Variants in POLR1B observed in about 807,000 individuals in gnomAD.
POLR1B encodes the protein DNA-directed RNA polymerase I subunit RPA2.
Under a neutral mutation model 105.8 loss-of-function variants are expected in POLR1B, and 30 were observed. That is an observed-to-expected ratio of 0.28 (90% CI 0.21 to 0.38). The LOEUF (loss-of-function observed/expected upper bound fraction) is 0.38. POLR1B is among the 10% of genes least tolerant of loss of function. The pLI is 1.00. For synonymous variants in POLR1B, 485 were observed against 505.1 expected, an observed-to-expected ratio of 0.96 and a Z score of 0.53; for missense variants, 976 against 1,435.8, an observed-to-expected ratio of 0.68 and a Z score of 5.17.
In POLR1B at chr2:112,559,543, G is replaced by C; in HGVS notation, c.1581G>C (p.Thr527=). Residue 527 remains threonine (T), a synonymous_variant, in exon 9 of 15, where the codon ACG becomes ACC. Coordinates refer to ENST00000263331, the MANE Select transcript of POLR1B (RefSeq NM_019014.6). ...VCEVVTQFVY[T]ASIPALLCNL... is the part of the protein sequence containing the mutation. ...AGGTTGTCACACAGTTTGTGTATAC[G>C]GCATCTATTCCAGCTTTACTGTGCA... 1 of 1,614,148 alleles carries C rather than the reference G, an allele frequency of 6.2e-7. No individual in the cohort carries two copies. The highest frequency in any genetic ancestry group is 1.1e-5 in the South Asian group (1 of 91,078).
intron 11 of POLR1B, 78 bp downstream of exon 11, chr2:112,568,215 T>C (rs923126099): frequency 2.2e-6 from 3 of 1,385,178 alleles, no homozygotes; most frequent in African/African-American, 1.5e-5. Context: ...AACTCTTCCT[T>C]TTTTAAAAGG....
chr2:112,564,653 A>G (rs1407487188), intron 10 of POLR1B, among the ~76,000 whole-genome samples, 154 bp downstream of exon 10: 1 of 152,244 alleles, frequency 6.6e-6, no homozygotes, highest in Non-Finnish European at 1.5e-5. Flanking sequence ...CTGGTGACAG[A>G]GGCTTGCCTT....
chr2:112,548,713 A>C (rs965109707), intron 3 of POLR1B, among the ~76,000 whole-genome samples: 2 of 152,040 alleles, frequency 1.3e-5, no homozygotes, highest in African/African-American at 2.4e-5. Context: ...CCTGGGTTCA[A>C]GCCATTCTCC....
At position 112,575,767 on chromosome 2, in the gene POLR1B, T is replaced by C. The variant is rs1277444037; in HGVS notation, c.*38T>C. 1 of 1,555,614 alleles carries C rather than the reference T, an allele frequency of 6.4e-7. No individual in the cohort carries two copies. Among genetic ancestry groups the C allele is most frequent in the Non-Finnish European group, 8.7e-7 (1 of 1,150,872 alleles). ...CTTTTGGATTAAGAGGACTATCAGA[T>C]TAAAGCAAAATGTAATTTTAATTCA... On this transcript the variant is annotated 3_prime_UTR_variant, in exon 15 of 15. Transcript: ENST00000263331. The surrounding 1 kb of genome is among the most constrained non-coding windows in gnomAD (Gnocchi z 5.3).
At position 112,551,812 on chromosome 2, in the gene POLR1B, A is replaced by T; in HGVS notation, c.800A>T (p.Glu267Val). Residue 267 changes from glutamate (E) to valine (V), a missense_variant, in exon 6 of 15, where the codon GAG becomes GTG. Glu to Val is a moderately radical substitution (Grantham distance 121). Around this residue, in one of 12 missense-constraint regions of POLR1B, gnomAD observed 452 missense variants for 616.5 expected, o/e 0.73. Transcript: ENST00000263331. ...VSFSDYQIFQ[E>V]LIKGKEDDSF... ...TTTTCTGATTATCAGATCTTTCAGG[A>T]GCTCATCAAAGGAAAAGAGGATGAT... is the stretch of plus-strand genomic sequence containing the variant. The T allele has an allele frequency of 6.2e-7, 1 of 1,614,116 alleles. No homozygotes were observed.
Position 112,557,908 on chromosome 2 carries a change from A to G in POLR1B, c.1159-2A>G. ...TATATTAATTTTTTTTCCTTATTTC[A>G]GGAAAAACTGGAAGGTTGGTTAGTG... On this transcript the variant is annotated splice_acceptor_variant, in intron 7 of 14. Transcript: ENST00000263331. LOFTEE classifies it high-confidence loss of function. 2 of 1,290,294 alleles carry G rather than the reference A, an allele frequency of 1.6e-6. No individual in the cohort carries two copies. The highest frequency in any genetic ancestry group is 3.5e-5 in the Admixed American group (1 of 28,662). The allele number at this position is 1,290,294 out of a possible 1,614,324, so 79.9% of individuals were successfully genotyped here.
chr2:112,566,891 C>G (rs1166142112), intron 10 of POLR1B, among the ~76,000 whole-genome samples: 1 of 152,118 alleles, frequency 6.6e-6, no homozygotes, highest in Non-Finnish European at 1.5e-5. Context: ...CACCACCATG[C>G]CTGGGTAATT....
At chr2:112,554,105 G>A (rs1683520847) in intron 7 of POLR1B, among the ~76,000 whole-genome samples, 1 of 151,938 alleles carries the variant, frequency 6.6e-6, no homozygotes, top group African/African-American at 2.4e-5. Context: ...TGGGATTACA[G>A]GTGTGAGCCA....
intron 4 of POLR1B, among the ~76,000 whole-genome samples, chr2:112,549,864 A>T (rs1683272404): frequency 6.6e-6 from 1 of 152,218 alleles, no homozygotes; most frequent in African/African-American, 2.4e-5. Flanking sequence ...GTGCACACGT[A>T]CTACAAATGA....
At position 112,577,992 on chromosome 2, in the gene POLR1B, C is replaced by T. The variant is rs114142755; in HGVS notation, c.*2263C>T. Among the ~76,000 whole-genome samples the T allele has an allele frequency of 2.4e-3, 372 of 152,296 alleles. 2 individuals are homozygous for T. The highest frequency in any genetic ancestry group is 8.5e-3 in the African/African-American group (353 of 41,562). On this transcript the variant is annotated 3_prime_UTR_variant, in exon 15 of 15. Coordinates refer to ENST00000263331, the MANE Select transcript of POLR1B (RefSeq NM_019014.6). ...GTTAAGAATCCCAACCACACACTTT[C>T]ACACACTATTCCAGGTTCTGGCTAC...
chr2:112,572,953 C>T (rs1684666922), intron 13 of POLR1B, among the ~76,000 whole-genome samples, 195 bp downstream of exon 13: 1 of 152,178 alleles, frequency 6.6e-6, no homozygotes, highest in Admixed American at 6.5e-5. Context: ...TATTCAGATA[C>T]ACGTATGTCT....
intron 11 of POLR1B, 77 bp from the exon 12 acceptor site, chr2:112,568,669 C>A: frequency 6.6e-7 from 1 of 1,505,056 alleles, no homozygotes; most frequent in Non-Finnish European, 9.1e-7. Flanking sequence ...TCTTTGAGTA[C>A]TGAACTCTGA....
Position 112,547,070 on chromosome 2 carries a change from A to T in POLR1B, c.236A>T (p.Asp79Val). Reference protein sequence around the residue: ...KDERISFTILDAVISPPTVPK... With the variant: ...KDERISFTILVAVISPPTVPK... ...GAGCGTATCTCTTTTACTATTCTGG[A>T]TGCTGTTATCAGTCCACCTACAGTT... Residue 79 changes from aspartate (D) to valine (V), a missense_variant, in exon 2 of 15, where the codon GAT becomes GTT. By Grantham distance (152) the Asp-to-Val change is radical. Transcript: ENST00000263331. 6.2e-7 allele frequency: 1 copy of T among 1,614,148 alleles called. No homozygotes were observed. Among genetic ancestry groups the T allele is most frequent in the Non-Finnish European group, 8.5e-7 (1 of 1,180,018 alleles).
chr2:112,542,278 T>G (rs1682788989), upstream of POLR1B: 1 of 1,533,326 alleles, frequency 6.5e-7, no homozygotes, highest in African/African-American at 1.4e-5. Context: ...ACGCTCTGGC[T>G]GGACACGGCC....
intron 3 of POLR1B, among the ~76,000 whole-genome samples, 183 bp from the exon 4 acceptor site, chr2:112,549,084 C>G (rs962244452): frequency 1.3e-5 from 2 of 152,124 alleles, no homozygotes; most frequent in South Asian, 4.1e-4. Flanking sequence ...TTGTAATATA[C>G]TTGAGAAAAC....
In POLR1B at chr2:112,559,541, A is replaced by G; in HGVS notation, c.1579A>G (p.Thr527Ala). The change falls in exon 9 of 15, where the codon ACG becomes GCG. Residue 527 changes from threonine (T) to alanine (A), a missense_variant. This residue lies in a region of POLR1B where 184 missense variants were observed against 197.4 expected (regional missense o/e 0.93). Coordinates refer to ENST00000263331, the MANE Select transcript of POLR1B (RefSeq NM_019014.6). ...TGAGGTTGTCACACAGTTTGTGTAT[A>G]CGGCATCTATTCCAGCTTTACTGTG... ...VCEVVTQFVY[T>A]ASIPALLCNL... is the part of the protein sequence containing the mutation. 2 of 1,614,204 alleles carry G rather than the reference A, an allele frequency of 1.2e-6. No individual in the cohort carries two copies. Among genetic ancestry groups the G allele is most frequent in the Non-Finnish European group, 1.7e-6 (2 of 1,180,022 alleles).
intron 10 of POLR1B, among the ~76,000 whole-genome samples, chr2:112,565,924 G>A (rs1031791858): frequency 6.6e-6 from 1 of 152,078 alleles, no homozygotes; most frequent in East Asian, 1.9e-4. Context: ...CCTAGATGCT[G>A]CCAACCACCA....
Position 112,568,802 on chromosome 2 carries a change from C to A in POLR1B, c.1974C>A (p.His658Gln). Residue 658 changes from histidine to glutamine, a missense_variant, in exon 12 of 15, where the codon CAC (histidine) becomes CAA (glutamine). Transcript: ENST00000263331. ...EDEVFAGVTT[H>Q]QELFPHSLLS... ...AAGTTTTTGCTGGAGTTACCACACA[C>A]CAGGAACTCTTTCCACACAGCCTGC... 6.2e-7 allele frequency: 1 copy of A among 1,614,100 alleles called. No homozygotes were observed. Among genetic ancestry groups the A allele is most frequent in the Non-Finnish European group, 8.5e-7 (1 of 1,179,942 alleles).
intron 7 of POLR1B, chr2:112,553,336 C>T (rs1683472109): frequency 6.6e-6 from 1 of 152,080 alleles, no homozygotes; most frequent in African/African-American, 2.4e-5. Context: ...CTATGTTTTT[C>T]ACATTGTCGT....
Sources: gnomAD v4.1 joint callset for allele counts (sites outside exome capture counted in the v4.1 genomes callset) on GRCh38, gnomAD v4.1.1 for gene constraint, gnomAD v4.1.1 regional missense constraint, Gnocchi (gnomAD v3.1) non-coding constraint, MANE v1.5 for transcripts, NCBI Gene and HGNC (gene_info 2026-07-23, HGNC 2026-07-21) for gene names.